SRSF11: variants seen among roughly 807,000 people sequenced by gnomAD.
SRSF11 encodes the protein serine and arginine rich splicing factor 11.
In SRSF11, 9 loss-of-function variants were observed where a neutral mutation model predicts 56.0. The ratio of observed to expected loss-of-function variants is 0.16; its 90% CI spans 0.10 to 0.28. The LOEUF is 0.28. Among genes scored for constraint, SRSF11 ranks in the 10% least tolerant of loss-of-function variants. The pLI is 1.00. For missense variants in SRSF11, 421 were observed against 600.7 expected (o/e 0.70, Z 3.13); for synonymous variants, 222 against 215.3 (o/e 1.03, Z -0.27).
At chr1:70,238,083 A>G (rs1417209836) in intron 6 of SRSF11, among the ~76,000 whole-genome samples, 1 of 152,160 alleles carries the variant, frequency 6.6e-6, no homozygotes, top group Non-Finnish European at 1.5e-5. Flanking sequence ...TTTCTTTCTT[A>G]TAAATATCTT....
intron 9 of SRSF11, chr1:70,248,474 A>C (rs1010184783): frequency 2.0e-5 from 3 of 152,068 alleles, no homozygotes; most frequent in Non-Finnish European, 1.5e-5. Context: ...GGAGGATTAG[A>C]GTGATAACTA....
At chr1:70,214,123 A>G (rs1485454445) in intron 1 of SRSF11, among the ~76,000 whole-genome samples, 1 of 152,228 alleles carries the variant, frequency 6.6e-6, no homozygotes, top group African/African-American at 2.4e-5. Flanking sequence ...AAACGTATTA[A>G]AATGCATGAA....
At chr1:70,212,748 A>G (rs1371678057) in intron 1 of SRSF11, among the ~76,000 whole-genome samples, 1 of 152,150 alleles carries the variant, frequency 6.6e-6, no homozygotes, top group Non-Finnish European at 1.5e-5. Context: ...AAGTAAGACA[A>G]GTATTACTAT....
At chr1:70,232,751 C>G (rs545376242) in intron 3 of SRSF11, among the ~76,000 whole-genome samples, 1 of 151,960 alleles carries the variant, frequency 6.6e-6, no homozygotes, top group East Asian at 1.9e-4. Flanking sequence ...TTTTCCTTCC[C>G]CTTTATCTTT....
chr1:70,243,382 G>C (rs1194809302), intron 7 of SRSF11, among the ~76,000 whole-genome samples: 2 of 134,898 alleles, frequency 1.5e-5, no homozygotes, highest in South Asian at 2.6e-4. Context: ...AACACAGTGT[G>C]TAGGTGGAAC....
chr1:70,239,537 G>C lies in SRSF11; in HGVS notation c.800+17G>C, dbSNP rs1674853222. 2 of 1,544,944 alleles carry C rather than the reference G, an allele frequency of 1.3e-6. No homozygotes were observed. Among genetic ancestry groups the C allele is most frequent in the Admixed American group, 4.0e-5 (2 of 50,566 alleles). On this transcript the variant is annotated intron_variant, in intron 7 of 11. Transcript: ENST00000370949. ...TAGACACAGGTTAGATTGCTTTTTA[G>C]TCAATTATACCTTAGACAAAGATAA...
chr1:70,231,417 T>A, intron 2 of SRSF11: 2 of 1,058,170 alleles, frequency 1.9e-6, no homozygotes, highest in Non-Finnish European at 2.3e-6. Flanking sequence ...TTTATCTGAA[T>A]ACACAGATTA....
At chr1:70,225,782 G>T (rs1176176294) in intron 1 of SRSF11, among the ~76,000 whole-genome samples, 1 of 152,042 alleles carries the variant, frequency 6.6e-6, no homozygotes, top group East Asian at 1.9e-4. Context: ...ACCCTATCTT[G>T]TTCCTCATTT....
At chr1:70,235,440 GA>G in intron 4 of SRSF11, 60 bp from the exon 5 acceptor site, 1 of 1,423,720 alleles carries the variant, frequency 7.0e-7, no homozygotes, top group South Asian at 1.3e-5. Context: ...TTTCTGCCTA[GA>G]AAATATCGGT....
In SRSF11 at chr1:70,250,033, A is replaced by C. The variant is rs368798810; in HGVS notation, c.1104A>C (p.Ser368=). ...CTCCTAAAAGAAAATTGTCCCGCTCACCATCCCCTAGGAGGTAAGAATGTT... is the reference window on the plus strand; with the variant it reads ...CTCCTAAAAGAAAATTGTCCCGCTCCCCATCCCCTAGGAGGTAAGAATGTT... ...PRSPKRKLSR[S]PSPRRHKKEK... Residue 368 remains serine (S), a synonymous_variant, in exon 10 of 12, where the codon TCA becomes TCC. Coordinates refer to ENST00000370949, the MANE Select transcript of SRSF11 (RefSeq NM_001350605.2). 1 of 1,613,192 alleles carries C rather than the reference A, an allele frequency of 6.2e-7. No homozygotes were observed. Among genetic ancestry groups the C allele is most frequent in the Non-Finnish European group, 8.5e-7 (1 of 1,179,330 alleles).
At position 70,252,002 on chromosome 1, in the gene SRSF11, T is replaced by C. The variant is rs181040223; in HGVS notation, c.*1197T>C. ...TTTGATAATAAAACCCTTAAACTTA[T>C]GTTCATGTTCCTGTAAAACCGTATT... On this transcript the variant is annotated 3_prime_UTR_variant, in exon 12 of 12. Transcript: ENST00000370949. 6.5e-5 allele frequency: 10 copies of C among 152,764 alleles called. No homozygotes were observed. The East Asian group carries it at 1.5e-3, about 24-fold the overall frequency. The allele number at this position is 152,764 out of a possible 1,614,324, so 9.5% of individuals were successfully genotyped here. A position where few individuals can be genotyped will look rare whatever the true frequency, so the allele number is the denominator to read the frequency against.
At position 70,234,681 on chromosome 1, in the gene SRSF11, T is replaced by C; in HGVS notation, c.448-15T>C. Reference sequence around the variant, plus strand: ...GAAATGAAGTTTTAAATAAATAAAATTTGCCATTTCACAGATTGGCGCTGT... The same window carrying C: ...GAAATGAAGTTTTAAATAAATAAAACTTGCCATTTCACAGATTGGCGCTGT... On this transcript the variant is annotated splice_polypyrimidine_tract_variant and intron_variant, in intron 3 of 11. Transcript: ENST00000370949. The C allele has an allele frequency of 6.3e-7, 1 of 1,579,466 alleles. No homozygotes were observed. Among genetic ancestry groups the C allele is most frequent in the Non-Finnish European group, 8.6e-7 (1 of 1,167,170 alleles).
chr1:70,209,387 G>C (rs1232765143), intron 1 of SRSF11, among the ~76,000 whole-genome samples: 2 of 152,122 alleles, frequency 1.3e-5, no homozygotes, highest in Non-Finnish European at 2.9e-5. Context: ...GTTTCTTTTT[G>C]TGTAAAGTAA....
In SRSF11 at chr1:70,251,335, T is replaced by C. The variant is rs1677919610; in HGVS notation, c.*530T>C. ...TACATCTGGAAATGAGCATTTGAAA[T>C]AGATAATCCTTTAAGCCTTGTGGCA... On this transcript the variant is annotated 3_prime_UTR_variant, in exon 12 of 12. Transcript: ENST00000370949. 6.5e-6 allele frequency: 1 copy of C among 153,604 alleles called. No individual in the cohort carries two copies. The highest frequency in any genetic ancestry group is 1.5e-5 in the Non-Finnish European group (1 of 68,686). The allele number at this position is 153,604 out of a possible 1,614,324, so 9.5% of individuals were successfully genotyped here.
At chr1:70,206,034 A>G (rs1051072652) in intron 1 of SRSF11, among the ~76,000 whole-genome samples, 4 of 152,200 alleles carry the variant, frequency 2.6e-5, no homozygotes, top group African/African-American at 9.7e-5. Context: ...CGTACGGAGT[A>G]AAAGAAATTT....
chr1:70,237,810 G>T (rs1250555803), intron 6 of SRSF11, among the ~76,000 whole-genome samples: 2 of 152,164 alleles, frequency 1.3e-5, no homozygotes, highest in Admixed American at 1.3e-4. Flanking sequence ...CACAGCAGTG[G>T]TTAATCTAGT....
upstream of SRSF11, among the ~76,000 whole-genome samples, chr1:70,217,486 A>G (rs186535251): frequency 1.8e-4 from 28 of 152,214 alleles, 1 homozygote; most frequent in Admixed American, 1.5e-3. Flanking sequence ...AGTCTGCCAT[A>G]CTAGACCTGA....
At chr1:70,215,945 C>T (rs1045136285) in intron 1 of SRSF11, among the ~76,000 whole-genome samples, 1 of 152,202 alleles carries the variant, frequency 6.6e-6, no homozygotes, top group African/African-American at 2.4e-5. Context: ...CGCCACCACG[C>T]GCGGCTGATT....
rs1677965156 is a variant in SRSF11 at position 70,251,637 on chromosome 1, G to T, written c.*832G>T. 6.6e-6 allele frequency: 1 copy of T among 152,404 alleles called. No homozygotes were observed. Among genetic ancestry groups the T allele is most frequent in the Admixed American group, 6.5e-5 (1 of 15,270 alleles). 9.4% of individuals were successfully genotyped at this position (152,404 alleles called of 1,614,324 possible). On this transcript the variant is annotated 3_prime_UTR_variant, in exon 12 of 12. Coordinates refer to ENST00000370949, the MANE Select transcript of SRSF11 (RefSeq NM_001350605.2). ...AAAAAAGAAAAAAACCTTATCTCTT[G>T]CCCTTATTTTGAATTTTCCACTCTT...
Sources: allele counts gnomAD v4.1 joint callset (sites outside exome capture counted in the v4.1 genomes callset), GRCh38; gene constraint gnomAD v4.1.1; transcripts MANE v1.5; gene names NCBI Gene and HGNC (gene_info 2026-07-23, HGNC 2026-07-21).